TMEM135: variants seen among roughly 807,000 people sequenced by gnomAD.
The protein encoded by TMEM135 is transmembrane protein 135.
Under a neutral mutation model 60.3 loss-of-function variants are expected in TMEM135, and 30 were observed. The ratio of observed to expected loss-of-function variants is 0.50; its 90% CI spans 0.37 to 0.68. TMEM135 has a LOEUF of 0.68. Among genes scored for constraint, TMEM135 ranks in the 30% least tolerant of loss-of-function variants. The pLI, the probability that TMEM135 is intolerant of heterozygous loss-of-function variation, is 0.00. For missense variants in TMEM135, 468 were observed against 548.8 expected, an observed-to-expected ratio of 0.85 and a Z score of 1.47; for synonymous variants, 190 against 186.7, an observed-to-expected ratio of 1.02 and a Z score of -0.14.
At chr11:87,292,105 C>T (rs1272092088) in intron 6 of TMEM135, among the ~76,000 whole-genome samples, 1 of 151,964 alleles carries the variant, frequency 6.6e-6, no homozygotes, top group African/African-American at 2.4e-5. Context: ...AAATGCTCTC[C>T]CCTCTACTCA....
intron 7 of TMEM135, 56 bp downstream of exon 7, chr11:87,295,879 TATAC>T: frequency 7.3e-7 from 1 of 1,378,474 alleles, no homozygotes; most frequent in Non-Finnish European, 1.0e-6. Flanking sequence ...CTTAAAAAAT[TATAC>T]ATAATTACAA....
At chr11:87,218,406 C>T (rs976351972) in intron 5 of TMEM135, among the ~76,000 whole-genome samples, 1 of 152,124 alleles carries the variant, frequency 6.6e-6, no homozygotes, top group Admixed American at 6.5e-5. Flanking sequence ...CTTCCATTGC[C>T]CTCATGCTCT....
In TMEM135 at chr11:87,037,963, A is replaced by C; in HGVS notation, c.-83A>C. On this transcript the variant is annotated 5_prime_UTR_variant, in exon 1 of 15. Transcript: ENST00000305494. ...CGCACCTCCGAGTGCTGGCCGGGCG[A>C]GAGGCTGGCGGCTGGGCTCTCGCGC... The C allele has an allele frequency of 6.3e-7, 1 of 1,597,536 alleles. No homozygotes were observed. Among genetic ancestry groups the C allele is most frequent in the East Asian group, 2.2e-5 (1 of 44,742 alleles).
At chr11:87,045,659 A>G (rs1265987241) in intron 1 of TMEM135, among the ~76,000 whole-genome samples, 1 of 152,190 alleles carries the variant, frequency 6.6e-6, no homozygotes, top group Admixed American at 6.5e-5. Flanking sequence ...ATATCCAACT[A>G]ATTAGTTGAT....
rs1411998975 is a variant in TMEM135 at position 87,324,933 on chromosome 11, G to T, written c.*3600G>T. On this transcript the variant is annotated 3_prime_UTR_variant, in exon 15 of 15. Transcript: ENST00000305494. ...TGGCCAAGAAAAAAATACAAGAAAA[G>T]GAATAAGAAGTGATTATTTTCTTTA... The T allele has an allele frequency of 4.4e-6, 2 of 454,010 alleles. No homozygotes were observed. The highest frequency in any genetic ancestry group is 8.8e-6 in the Non-Finnish European group (2 of 226,750). The allele number at this position is 454,010 out of a possible 1,614,324, so 28.1% of individuals were successfully genotyped here. A position where few individuals can be genotyped will look rare whatever the true frequency, so the allele number is the denominator to read the frequency against.
intron 5 of TMEM135, among the ~76,000 whole-genome samples, chr11:87,170,370 G>T (rs1480706183): frequency 2.0e-5 from 3 of 152,058 alleles, no homozygotes; most frequent in Non-Finnish European, 2.9e-5. Context: ...AGGCATTCTG[G>T]TTTTTGGAAT....
intron 6 of TMEM135, among the ~76,000 whole-genome samples, chr11:87,247,396 G>T (rs1232454349): frequency 6.6e-6 from 1 of 152,156 alleles, no homozygotes; most frequent in East Asian, 1.9e-4. Context: ...TGTCAGACAG[G>T]GATATTTAAG....
intron 1 of TMEM135, among the ~76,000 whole-genome samples, chr11:87,042,237 G>A (rs926837461): frequency 6.6e-6 from 1 of 152,218 alleles, no homozygotes; most frequent in Admixed American, 6.5e-5. Context: ...AGCAAGGTCT[G>A]TCTGTCTAGA....
chr11:87,123,683 G>T (rs1046256189), intron 4 of TMEM135, among the ~76,000 whole-genome samples: 1 of 152,106 alleles, frequency 6.6e-6, no homozygotes, highest in South Asian at 2.1e-4. Flanking sequence ...TTAGCCATGT[G>T]CTCTATTTGC....
intron 1 of TMEM135, among the ~76,000 whole-genome samples, chr11:87,053,777 T>A (rs1382947884): frequency 6.6e-6 from 1 of 152,228 alleles, no homozygotes. Flanking sequence ...AATATAGTAC[T>A]GTATTAAAGA....
intron 5 of TMEM135, among the ~76,000 whole-genome samples, chr11:87,231,389 C>G (rs1366823993): frequency 6.6e-6 from 1 of 152,160 alleles, no homozygotes; most frequent in Non-Finnish European, 1.5e-5. Flanking sequence ...CTCAAAGATT[C>G]ACATGGCATT....
chr11:87,313,290 C>A, intron 10 of TMEM135, 135 bp from the exon 11 acceptor site: 1 of 661,858 alleles, frequency 1.5e-6, no homozygotes. Flanking sequence ...ATCATGTATG[C>A]AGTTTGATTT....
At position 87,109,068 on chromosome 11, in the gene TMEM135, G is replaced by A. The variant is rs73529386; in HGVS notation, c.396+17673G>A. ...TAGGGAGTGAAGGGATTGGGTGAGA[G>A]AGAGTACAAAGGAACACAAGGAAAC... On this transcript the variant is annotated intron_variant, in intron 4 of 14. Coordinates refer to ENST00000305494, the MANE Select transcript of TMEM135 (RefSeq NM_022918.4). 9.9e-3 allele frequency among the ~76,000 whole-genome samples: 1,500 copies of A among 152,256 alleles called. 24 individuals carry two copies. The highest frequency in any genetic ancestry group is 0.035 in the African/African-American group (1,434 of 41,552).
chr11:87,104,625 A>T (rs1229259385), intron 4 of TMEM135, among the ~76,000 whole-genome samples: 1 of 151,994 alleles, frequency 6.6e-6, no homozygotes, highest in Non-Finnish European at 1.5e-5. Flanking sequence ...TAGTATGTGG[A>T]TCTTTTACCA....
intron 1 of TMEM135, among the ~76,000 whole-genome samples, chr11:87,065,225 G>A (rs1163319070): frequency 6.6e-6 from 1 of 152,072 alleles, no homozygotes; most frequent in Admixed American, 6.5e-5. Context: ...ACAATTGCTG[G>A]GACAAATAAT....
chr11:87,271,185 C>A (rs1231458611), intron 6 of TMEM135, among the ~76,000 whole-genome samples: 1 of 152,054 alleles, frequency 6.6e-6, no homozygotes, highest in Non-Finnish European at 1.5e-5. Context: ...AAATTATATA[C>A]CACCACCAAA....
intron 4 of TMEM135, among the ~76,000 whole-genome samples, chr11:87,118,638 T>A (rs1434288068): frequency 2.0e-5 from 3 of 152,042 alleles, no homozygotes; most frequent in African/African-American, 7.2e-5. Context: ...TTAGTACAGA[T>A]GGGGTTTCAC....
At chr11:87,233,475 G>C (rs1940931267) in intron 5 of TMEM135, among the ~76,000 whole-genome samples, 1 of 152,028 alleles carries the variant, frequency 6.6e-6, no homozygotes, top group African/African-American at 2.4e-5. Flanking sequence ...AATAATGGGA[G>C]AATGCTATAA....
At chr11:87,041,071 T>C (rs1342748228) in intron 1 of TMEM135, among the ~76,000 whole-genome samples, 1 of 152,236 alleles carries the variant, frequency 6.6e-6, no homozygotes, top group Admixed American at 6.5e-5. Flanking sequence ...ATGAATACAT[T>C]GTCTATAACA....
Sources: allele counts gnomAD v4.1 joint callset (sites outside exome capture counted in the v4.1 genomes callset), GRCh38; gene constraint gnomAD v4.1.1; transcripts MANE v1.5; gene names NCBI Gene and HGNC (gene_info 2026-07-23, HGNC 2026-07-21).